Variants in TENM3 observed in about 807,000 individuals in gnomAD.
TENM3 encodes the protein teneurin-3.
TENM3 carries 63 observed loss-of-function variants against 255.1 expected under a neutral mutation model. That is an observed-to-expected ratio of 0.25 (90% CI 0.20 to 0.30). The LOEUF is 0.30. Among genes scored for constraint, TENM3 ranks in the 10% least tolerant of loss-of-function variants. TENM3 has a pLI of 1.00. For synonymous variants in TENM3, 1,306 were observed against 1,322.3 expected, an observed-to-expected ratio of 0.99 and a Z score of 0.27; for missense variants, 2,929 against 3,461.1, an observed-to-expected ratio of 0.85 and a Z score of 3.86.
the TENM3 span, among the ~76,000 whole-genome samples, chr4:181,846,200 T>C: frequency 6.6e-6 from 1 of 152,198 alleles, no homozygotes; most frequent in African/African-American, 2.4e-5. Flanking sequence ...AATTCATAAG[T>C]CATTTGGAGT....
chr4:182,427,003 T>C lies in TENM3; in HGVS notation c.511+80074T>C, dbSNP rs551565637. On this transcript the variant is annotated intron_variant, in intron 3 of 27. Transcript: ENST00000511685. ...GCATCTGTTCATGATTTCTAGCTTA[T>C]TTTCAAAATCTTTTTGTGTTAATGT... Among the ~76,000 whole-genome samples the C allele has an allele frequency of 5.9e-5, 9 of 152,330 alleles. 1 individual carries two copies. In the East Asian group the frequency reaches 1.7e-3, roughly 29 times the overall value.
At chr4:182,550,713 A>G (rs1419717009) in intron 3 of TENM3, among the ~76,000 whole-genome samples, 7 of 152,202 alleles carry the variant, frequency 4.6e-5, no homozygotes, top group Non-Finnish European at 8.8e-5. Flanking sequence ...AAAGTGAACT[A>G]TATGAGGTTA....
chr4:181,600,461 A>C, the TENM3 span, among the ~76,000 whole-genome samples: 1 of 152,088 alleles, frequency 6.6e-6, no homozygotes, highest in African/African-American at 2.4e-5. Flanking sequence ...AGAAGACTGG[A>C]CCCTCCTGAA....
chr4:182,260,326 T>C (rs761946965), intron 1 of TENM3, among the ~76,000 whole-genome samples: 6 of 152,200 alleles, frequency 3.9e-5, no homozygotes, highest in South Asian at 2.1e-4. Flanking sequence ...TAGTTTTCCA[T>C]AGTGGCTATA....
At chr4:182,335,551 C>A (rs1374808416) in intron 2 of TENM3, among the ~76,000 whole-genome samples, 2 of 146,332 alleles carry the variant, frequency 1.4e-5, no homozygotes, top group African/African-American at 5.0e-5. Flanking sequence ...GCTTTCCAGT[C>A]CTTATAATAA....
intron 3 of TENM3, among the ~76,000 whole-genome samples, chr4:182,591,398 C>T (rs1746636959): frequency 6.6e-6 from 1 of 152,148 alleles, no homozygotes; most frequent in South Asian, 2.1e-4. Flanking sequence ...TGAGTAATAC[C>T]TTCTAGGCAG....
At chr4:181,690,555 T>C in the TENM3 span, among the ~76,000 whole-genome samples, 15 of 151,994 alleles carry the variant, frequency 9.9e-5, no homozygotes, top group Non-Finnish European at 1.8e-4. Context: ...TAAAAAATCA[T>C]ACTGAAAAAA....
chr4:182,447,146 T>C (rs1772988233), intron 3 of TENM3, among the ~76,000 whole-genome samples: 2 of 152,162 alleles, frequency 1.3e-5, no homozygotes, highest in Non-Finnish European at 2.9e-5. Context: ...TTCTATGATA[T>C]CTTCATAGTG....
At chr4:182,134,990 G>A in the TENM3 span, among the ~76,000 whole-genome samples, 21 of 151,876 alleles carry the variant, frequency 1.4e-4, no homozygotes, top group Non-Finnish European at 2.4e-4. Context: ...GGTGGATCAC[G>A]AGGTCAGGAG....
chr4:182,072,373 G>A, the TENM3 span, among the ~76,000 whole-genome samples: 1 of 152,266 alleles, frequency 6.6e-6, no homozygotes, highest in African/African-American at 2.4e-5. Flanking sequence ...AGGGTACACT[G>A]TAGTAGTAAG....
the TENM3 span, among the ~76,000 whole-genome samples, chr4:181,607,402 A>G: frequency 2.2e-4 from 32 of 143,760 alleles, no homozygotes; most frequent in African/African-American, 7.7e-4. Flanking sequence ...GTTTTAATTA[A>G]TTGGCATTTA....
chr4:181,552,298 G>A, the TENM3 span, among the ~76,000 whole-genome samples: 2 of 152,116 alleles, frequency 1.3e-5, no homozygotes, highest in African/African-American at 4.8e-5. Flanking sequence ...TTTTCCCCAA[G>A]CATGATTAAG....
At chr4:181,955,339 T>A in the TENM3 span, among the ~76,000 whole-genome samples, 2 of 152,196 alleles carry the variant, frequency 1.3e-5, no homozygotes, top group Non-Finnish European at 2.9e-5. Context: ...TCCCTAGCAC[T>A]GCAGGAGTGG....
chr4:182,224,251 G>T (rs999095223), intron 1 of TENM3, among the ~76,000 whole-genome samples: 10 of 152,134 alleles, frequency 6.6e-5, no homozygotes, highest in African/African-American at 2.4e-4. Context: ...TCCTGAATAA[G>T]AATAAAAGTG....
chr4:182,352,433 G>C (rs1336258014), intron 3 of TENM3, among the ~76,000 whole-genome samples: 1 of 152,066 alleles, frequency 6.6e-6, no homozygotes, highest in Non-Finnish European at 1.5e-5. Flanking sequence ...TAGACAGCTG[G>C]TCAATTAACA....
chr4:182,514,426 C>A (rs1339180446), intron 3 of TENM3, among the ~76,000 whole-genome samples: 4 of 152,022 alleles, frequency 2.6e-5, no homozygotes, highest in Non-Finnish European at 5.9e-5. Context: ...CGATTTGGAA[C>A]CTGCAGAGTT....
At chr4:181,888,527 C>CAA in the TENM3 span, among the ~76,000 whole-genome samples, 1 of 65,300 alleles carries the variant, frequency 1.5e-5, no homozygotes, top group Non-Finnish European at 2.7e-5. Context: ...TATATATATA[C>CAA]ATATATGTGT....
At chr4:182,695,365 A>C (rs1757320560) in intron 12 of TENM3, among the ~76,000 whole-genome samples, 1 of 152,248 alleles carries the variant, frequency 6.6e-6, no homozygotes, top group Non-Finnish European at 1.5e-5. Flanking sequence ...GTATGTTAAT[A>C]TAAAACTTGC....
rs959532929 is a variant in TENM3, at chr4:182,223,192, G to C, written c.-76+78438G>C. Among the ~76,000 whole-genome samples, 7 of 152,196 alleles carry C rather than the reference G, an allele frequency of 4.6e-5. No individual in the cohort carries two copies. The South Asian group carries it at 8.3e-4, about 18-fold the overall frequency. On this transcript the variant is annotated intron_variant, in intron 1 of 2. Coordinates refer to the TENM3 transcript ENST00000512480. Reference sequence around the variant, plus strand: ...ACTTTCCTTGTTTTGGTAAAAACAAGTTAATCATCATTCATATCCCTTCTC... The same window carrying C: ...ACTTTCCTTGTTTTGGTAAAAACAACTTAATCATCATTCATATCCCTTCTC...
Sources: gnomAD v4.1 joint callset for allele counts (sites outside exome capture counted in the v4.1 genomes callset) on GRCh38, gnomAD v4.1.1 for gene constraint, MANE v1.5 for transcripts, NCBI Gene and HGNC (gene_info 2026-07-23, HGNC 2026-07-21) for gene names.